The following CERCAM variants were observed in gnomAD, a reference collection of about 807,000 sequenced individuals.
CERCAM encodes the protein inactive glycosyltransferase 25 family member 3.
CERCAM carries 59 observed loss-of-function variants against 66.0 expected under a neutral mutation model. The ratio of observed to expected loss-of-function variants is 0.89; its 90% CI spans 0.73 to 1.11. The LOEUF (loss-of-function observed/expected upper bound fraction) is 1.11, where lower values mean the gene tolerates loss of function less well. Ranked by LOEUF, CERCAM falls within the 50% of genes most tolerant of loss-of-function variation. The pLI is 0.00. For synonymous variants in CERCAM, 318 were observed against 343.6 expected (o/e 0.93, Z 0.83); for missense variants, 840 against 828.3 (o/e 1.01, Z -0.17).
At position 128,428,458 on chromosome 9, in the gene CERCAM, G is replaced by A. The variant is rs148431165; in HGVS notation, c.886+37G>A. ...GGAACTGTTCCACCCACCTGCTGCC[G>A]GGGCTCCCTGCCTCCCCACGGTGCC... On this transcript the variant is annotated intron_variant, in intron 6 of 12. Transcript: ENST00000372838. 5.5e-3 allele frequency: 8,834 copies of A among 1,609,770 alleles called. 35 individuals are homozygous for A. Among genetic ancestry groups the A allele is most frequent in the Non-Finnish European group, 6.1e-3 (7,226 of 1,177,896 alleles).
rs778329192 is a variant in CERCAM at position 128,428,310 on chromosome 9, G to A, written c.775G>A (p.Val259Ile). ...AYACQAAGVSVHVCNEHRYGY... is the reference protein window; with the variant it reads ...AYACQAAGVSIHVCNEHRYGY... ...TCAGCCTGTCTCTGCAGGGGTCTCCGTCCACGTGTGCAATGAGCACCGTTA... is the reference window on the plus strand; with the variant it reads ...TCAGCCTGTCTCTGCAGGGGTCTCCATCCACGTGTGCAATGAGCACCGTTA... The change falls in exon 6 of 13, where the codon GTC becomes ATC. Residue 259 changes from valine (V) to isoleucine (I), a missense_variant. Physicochemically the swap from Val to Ile is conservative, Grantham distance 29 (BLOSUM62 3). Transcript: ENST00000372838. 15 of 1,613,820 alleles carry A rather than the reference G, an allele frequency of 9.3e-6. No homozygotes were observed. Among genetic ancestry groups the A allele is most frequent in the Admixed American group, 8.3e-5 (5 of 59,972 alleles).
rs992831277 is a variant in CERCAM at position 128,437,097 on chromosome 9, G to T, written c.*249G>T. On this transcript the variant is annotated 3_prime_UTR_variant, in exon 13 of 13. Coordinates refer to ENST00000372838, the MANE Select transcript of CERCAM (RefSeq NM_016174.5). Reference sequence around the variant, plus strand: ...TGTACCCTGCCTGGCCTGATTCAGGGCCTTGTGGCCCCCAGCTTCTGTTTC... The same window carrying T: ...TGTACCCTGCCTGGCCTGATTCAGGTCCTTGTGGCCCCCAGCTTCTGTTTC... 6.6e-6 allele frequency: 1 copy of T among 152,426 alleles called. No homozygotes were observed. Among genetic ancestry groups the T allele is most frequent in the Admixed American group, 6.6e-5 (1 of 15,244 alleles). The allele number at this position is 152,426 out of a possible 1,614,324, so 9.4% of individuals were successfully genotyped here. A position where few individuals can be genotyped will look rare whatever the true frequency, so the allele number is the denominator to read the frequency against.
In CERCAM at chr9:128,424,143, A is replaced by C; in HGVS notation, c.432A>C (p.Ala144=). ...GTGACGTCCCCTCCTCAAAGTTTGCAGACACAGACAACATTCTGACCAACA... is the reference window on the plus strand; with the variant it reads ...GTGACGTCCCCTCCTCAAAGTTTGCCGACACAGACAACATTCTGACCAACA... ...RNWGADYILF[A]DTDNILTNNQ... is the part of the protein sequence containing the mutation. Residue 144 remains alanine (A), a synonymous_variant, in exon 4 of 13, where the codon GCA becomes GCC. Transcript: ENST00000372838. The C allele has an allele frequency of 6.2e-7, 1 of 1,613,870 alleles. No individual in the cohort carries two copies. Among genetic ancestry groups the C allele is most frequent in the Non-Finnish European group, 8.5e-7 (1 of 1,179,888 alleles).
In CERCAM at chr9:128,423,254, C is replaced by A; in HGVS notation, c.417C>A (p.Asp139Glu). The A allele has an allele frequency of 6.2e-7, 1 of 1,613,394 alleles. No individual in the cohort carries two copies. Among genetic ancestry groups the A allele is most frequent in the Non-Finnish European group, 8.5e-7 (1 of 1,179,520 alleles). ...ALTFARNWGADYILFADTDNI... is the reference protein window; with the variant it reads ...ALTFARNWGAEYILFADTDNI... Reference sequence around the variant, plus strand: ...CCTTTGCCAGGAACTGGGGGGCCGACTATATCCTGGTGAGGAAGTCTGGCT... The same window carrying A: ...CCTTTGCCAGGAACTGGGGGGCCGAATATATCCTGGTGAGGAAGTCTGGCT... Residue 139 changes from aspartate to glutamate, a missense_variant, in exon 3 of 13, where the codon GAC (aspartate) becomes GAA (glutamate). By Grantham distance (45) the Asp-to-Glu change is conservative. Coordinates refer to ENST00000372838, the MANE Select transcript of CERCAM (RefSeq NM_016174.5).
Position 128,420,984 on chromosome 9 carries a change from C to A in CERCAM, c.107C>A (p.Ala36Asp). 1.4e-6 allele frequency: 2 copies of A among 1,467,576 alleles called. No individual in the cohort carries two copies. Among genetic ancestry groups the A allele is most frequent in the Admixed American group, 2.4e-5 (1 of 41,514 alleles). The allele number at this position is 1,467,576 out of a possible 1,614,324, so 90.9% of individuals were successfully genotyped here. Residue 36 changes from alanine to aspartate, a missense_variant, in exon 1 of 13, where the codon GCC (alanine) becomes GAC (aspartate). Physicochemically the swap from Ala to Asp is moderately radical, Grantham distance 126 (BLOSUM62 -2). Transcript: ENST00000372838. The surrounding 1 kb of genome is among the most constrained non-coding windows in gnomAD (Gnocchi z 5.0). ...AESPLPAVVL[A>D]ILARNAEHSL... ...TCGCCGCTGCCCGCCGTGGTCCTTGCCATCCTGGCCCGCAATGCCGAACAC... is the reference window on the plus strand; with the variant it reads ...TCGCCGCTGCCCGCCGTGGTCCTTGACATCCTGGCCCGCAATGCCGAACAC...
chr9:128,428,906 C>T (rs1478651479), intron 7 of CERCAM, 24 bp from the exon 8 acceptor site: 31 of 1,605,574 alleles, frequency 1.9e-5, no homozygotes, highest in Admixed American at 5.1e-5. Context: ...TTGCACTTAC[C>T]GCCCACCCCC....
intron 5 of CERCAM, among the ~76,000 whole-genome samples, chr9:128,426,861 G>C (rs1833858553): frequency 6.6e-6 from 1 of 152,254 alleles, no homozygotes; most frequent in Admixed American, 6.5e-5. Context: ...GAAGTCTGCA[G>C]TGTGCAGACA....
At position 128,434,337 on chromosome 9, in the gene CERCAM, A is replaced by G; in HGVS notation, c.1332-73A>G. On this transcript the variant is annotated intron_variant, in intron 10 of 12. Coordinates refer to ENST00000372838, the MANE Select transcript of CERCAM (RefSeq NM_016174.5). The surrounding 1 kb of genome is among the most constrained non-coding windows in gnomAD (Gnocchi z 4.5). ...CCATCCCCTGAGAGCCTGGCCCTGT[A>G]GGAGCGGGTGTGGGAGGGTCCCATG... 1 of 1,603,970 alleles carries G rather than the reference A, an allele frequency of 6.2e-7. No individual in the cohort carries two copies. Among genetic ancestry groups the G allele is most frequent in the African/African-American group, 1.3e-5 (1 of 74,792 alleles).
At chr9:128,431,593 C>A in intron 9 of CERCAM, 1 of 343,418 alleles carries the variant, frequency 2.9e-6, no homozygotes, top group South Asian at 4.3e-5. Flanking sequence ...AAAGGGATCC[C>A]CCTGGGGCTC....
intron 6 of CERCAM, 64 bp downstream of exon 6, chr9:128,428,485 C>T (rs1833898973): frequency 6.3e-7 from 1 of 1,591,996 alleles, no homozygotes; most frequent in Non-Finnish European, 8.6e-7. Flanking sequence ...CACGGTGCCC[C>T]TTTCCCTAGG....
Position 128,428,964 on chromosome 9 carries a change from G to A in CERCAM, c.998G>A (p.Arg333His), listed in dbSNP as rs773201835. 17 of 1,611,100 alleles carry A rather than the reference G, an allele frequency of 1.1e-5. No individual in the cohort carries two copies. Among genetic ancestry groups the A allele is most frequent in the Admixed American group, 1.7e-5 (1 of 59,670 alleles). ...FVISLARRPD[R>H]RERMLASLWE... is the part of the protein sequence containing the mutation. Reference sequence around the variant, plus strand: ...ATCAGCCTGGCTCGCAGGCCTGACCGTCGGGAACGCATGCTCGCCTCGCTC... The same window carrying A: ...ATCAGCCTGGCTCGCAGGCCTGACCATCGGGAACGCATGCTCGCCTCGCTC... The change falls in exon 8 of 13, where the codon CGT (arginine) becomes CAT (histidine). Residue 333 changes from arginine to histidine, a missense_variant. Physicochemically the swap from Arg to His is conservative, Grantham distance 29. Transcript: ENST00000372838.
rs1007327965 is a variant in CERCAM at position 128,431,472 on chromosome 9, C to A, written c.1203+169C>A. On this transcript the variant is annotated intron_variant, in intron 9 of 12. Coordinates refer to ENST00000372838, the MANE Select transcript of CERCAM (RefSeq NM_016174.5). ...CCCCAGTGGGCACCACTAAGCGGTG[C>A]TTGTTTTCATTCTGCAGTCTCTCTT... 1.4e-5 allele frequency: 11 copies of A among 764,204 alleles called. No individual in the cohort carries two copies. In the African/African-American group the frequency reaches 1.6e-4, roughly 11 times the overall value. 47.3% of individuals were successfully genotyped at this position (764,204 alleles called of 1,614,324 possible).
At chr9:128,433,278 CAAAAAAAAAAAAA>C (rs758064235) in intron 9 of CERCAM, among the ~76,000 whole-genome samples, 1 of 70,628 alleles carries the variant, frequency 1.4e-5, no homozygotes, top group South Asian at 4.6e-4. Flanking sequence ...AACTCCGTCT[CAAAAAAAAAAAAA>C]AAAAAAAAAA....
chr9:128,424,609 C>CTGCT lies in CERCAM; in HGVS notation c.762_765dup (p.Gly256CysfsTer10), dbSNP rs747729127. On this transcript the variant is annotated frameshift_variant, in exon 5 of 13. Coordinates refer to ENST00000372838, the MANE Select transcript of CERCAM (RefSeq NM_016174.5). LOFTEE classifies it high-confidence loss of function. ...ATCGTCTTCGCCTATGCCTGCCAGG[C>CTGCT]TGCTGGTGAGGACCAGCCCTCCTTT... is the stretch of plus-strand genomic sequence containing the variant. The CTGCT allele has an allele frequency of 1.9e-6, 3 of 1,613,920 alleles. No individual in the cohort carries two copies. Among genetic ancestry groups the CTGCT allele is most frequent in the East Asian group, 4.5e-5 (2 of 44,904 alleles).
In CERCAM at chr9:128,424,239, C is replaced by T; in HGVS notation, c.528C>T (p.Tyr176=). The T allele has an allele frequency of 6.2e-7, 1 of 1,614,186 alleles. No individual in the cohort carries two copies. Among genetic ancestry groups the T allele is most frequent in the Non-Finnish European group, 8.5e-7 (1 of 1,180,038 alleles). The change falls in exon 4 of 13, where the codon TAC becomes TAT. Residue 176 remains tyrosine, a synonymous_variant. Coordinates refer to ENST00000372838, the MANE Select transcript of CERCAM (RefSeq NM_016174.5). ...VVAPMLDSQT[Y]YSNFWCGITP... ...CCCCAATGCTGGACTCCCAGACCTA[C>T]TACTCCAACTTCTGGTGTGGGATCA...
At position 128,424,450 on chromosome 9, in the gene CERCAM, A is replaced by C. The variant is rs75750764; in HGVS notation, c.602A>C (p.Asn201Thr). Residue 201 changes from asparagine to threonine, a missense_variant, in exon 5 of 13, where the codon AAC (asparagine) becomes ACC (threonine). By Grantham distance (65) the Asn-to-Thr change is moderately conservative. Transcript: ENST00000372838. ...ACAGCCGAGTACTTCCCCACCAAGAACCGCCAGCGCCGGGGCTGCTTCCGT... is the reference window on the plus strand; with the variant it reads ...ACAGCCGAGTACTTCCCCACCAAGACCCGCCAGCGCCGGGGCTGCTTCCGT... ...RRTAEYFPTKNRQRRGCFRVP... is the reference protein window; with the variant it reads ...RRTAEYFPTKTRQRRGCFRVP... 1 of 1,613,652 alleles carries C rather than the reference A, an allele frequency of 6.2e-7. No individual in the cohort carries two copies. The highest frequency in any genetic ancestry group is 1.1e-5 in the South Asian group (1 of 91,040).
Position 128,434,146 on chromosome 9 carries a change from CGT to C in CERCAM, c.1250_1251del (p.Val417AlafsTer3), listed in dbSNP as rs1564431540. The C allele has an allele frequency of 6.2e-7, 1 of 1,614,152 alleles. No individual in the cohort carries two copies. The highest frequency in any genetic ancestry group is 1.3e-5 in the African/African-American group (1 of 75,040). On this transcript the variant is annotated frameshift_variant, in exon 10 of 13. Transcript: ENST00000372838. LOFTEE classifies it high-confidence loss of function. This position sits in a 1 kb window ranked among gnomAD's most constrained non-coding sequence, Gnocchi z 4.5. ...CCCGGGTCCTGGTGTTTGAGGATGA[CGT>C]GCGCTTTGAGAGCAACTTCAGGGGG... ...LARVLVFEDD[V>X]RFESNFRGRL...
intron 9 of CERCAM, among the ~76,000 whole-genome samples, chr9:128,433,278 CAAAAAAAAAAAAAA>C (rs758064235): frequency 1.4e-5 from 1 of 70,628 alleles, no homozygotes; most frequent in African/African-American, 4.7e-5. Flanking sequence ...AACTCCGTCT[CAAAAAAAAAAAAAA>C]AAAAAAAAAT....
intron 8 of CERCAM, among the ~76,000 whole-genome samples, chr9:128,430,531 C>CA (rs1833951128): frequency 6.6e-6 from 1 of 152,176 alleles, no homozygotes; most frequent in African/African-American, 2.4e-5. Flanking sequence ...TGAGACACCA[C>CA]ATCCCCCGAG....
Sources: gnomAD v4.1 joint callset for allele counts (sites outside exome capture counted in the v4.1 genomes callset) on GRCh38, gnomAD v4.1.1 for gene constraint, Gnocchi (gnomAD v3.1) non-coding constraint, MANE v1.5 for transcripts, NCBI Gene and HGNC (gene_info 2026-07-23, HGNC 2026-07-21) for gene names.